ARAP2: variants seen among roughly 807,000 people sequenced by gnomAD.
ARAP2 encodes the protein arf-GAP with Rho-GAP domain, ANK repeat and PH domain-containing protein 2.
A neutral mutation model predicts 194.5 loss-of-function variants in ARAP2; 148 were observed. The observed-to-expected ratio is 0.76, with a 90% confidence interval of 0.67 to 0.87. The LOEUF (loss-of-function observed/expected upper bound fraction) is 0.87. Ranked by LOEUF, ARAP2 falls within the 40% of genes least tolerant of loss-of-function variation. The pLI is 0.00. For missense variants in ARAP2, 2,128 were observed against 1,989.7 expected, an observed-to-expected ratio of 1.07 and a Z score of -1.32; for synonymous variants, 695 against 683.5, an observed-to-expected ratio of 1.02 and a Z score of -0.26.
At position 36,083,138 on chromosome 4, in the gene ARAP2, T is replaced by C. The variant is rs112419808; in HGVS notation, c.4508+230A>G. Among the ~76,000 whole-genome samples the C allele has an allele frequency of 1.9e-3, 288 of 152,104 alleles. 1 individual carries two copies. Among genetic ancestry groups the C allele is most frequent in the African/African-American group, 6.7e-3 (278 of 41,500 alleles). On this transcript the variant is annotated intron_variant, in intron 29 of 32. Coordinates refer to ENST00000303965, the MANE Select transcript of ARAP2 (RefSeq NM_015230.4). ...CTTACTTTACACAGAGAGATTGCAA[T>C]CACCAAGGAGCTTGGTCTCAGTCTC...
intron 5 of ARAP2, among the ~76,000 whole-genome samples, chr4:36,038,407 T>A (rs1457388705): frequency 6.6e-6 from 1 of 152,212 alleles, no homozygotes; most frequent in Non-Finnish European, 1.5e-5. Context: ...TTCCTTGGAA[T>A]ATATTTTCCT....
At chr4:36,166,817 T>G (rs558088673) in intron 10 of ARAP2, 115 bp downstream of exon 10, 13 of 474,642 alleles carry the variant, frequency 2.7e-5, no homozygotes, top group African/African-American at 2.2e-4. Context: ...TATGGAAAAG[T>G]AGGGAGATAA....
chr4:36,229,496 T>A lies in ARAP2; in HGVS notation c.-10A>T. ...CACTGACTGAGGACATAATGGTGGC[T>A]TCATTACTAAGCTGAGTTACAAAAA... On this transcript the variant is annotated 5_prime_UTR_variant, in exon 2 of 33. In the 5' UTR this introduces an upstream ATG that the reference lacks. Transcript: ENST00000303965. 1 of 1,587,032 alleles carries A rather than the reference T, an allele frequency of 6.3e-7. No homozygotes were observed. The highest frequency in any genetic ancestry group is 1.7e-4 in the Middle Eastern group (1 of 5,818).
At chr4:36,088,414 GATGTGTTCC>G (rs1394096273) in intron 28 of ARAP2, among the ~76,000 whole-genome samples, 1 of 152,030 alleles carries the variant, frequency 6.6e-6, no homozygotes, top group Non-Finnish European at 1.5e-5. Context: ...CTTAAAATCT[GATGTGTTCC>G]ATCACATAAC....
At chr4:36,009,804 A>T (rs1714062377) in intron 9 of ARAP2, among the ~76,000 whole-genome samples, 1 of 139,216 alleles carries the variant, frequency 7.2e-6, no homozygotes, top group African/African-American at 2.7e-5. Context: ...AACTCTTCCC[A>T]GATGGAGAAG....
At position 36,148,473 on chromosome 4, in the gene ARAP2, C is replaced by T. The variant is rs758617625; in HGVS notation, c.2932G>A (p.Glu978Lys). ...IFIFEIYLPS[E>K]RVFLFGAETS... The stretch of plus-strand genomic sequence containing the variant: ...TCAGCTCCAAATAAAAACACACGTT[C>T]GGAGGGTAAGTAGATCTCAAAGATA... The change falls in exon 17 of 33, where the codon GAA becomes AAA. Residue 978 changes from glutamate to lysine, a missense_variant. Coordinates refer to ENST00000303965, the MANE Select transcript of ARAP2 (RefSeq NM_015230.4). 1.9e-5 allele frequency: 31 copies of T among 1,612,860 alleles called. No homozygotes were observed. Among genetic ancestry groups the T allele is most frequent in the East Asian group, 4.5e-5 (2 of 44,772 alleles).
intron 19 of ARAP2, among the ~76,000 whole-genome samples, chr4:36,141,373 G>A (rs1728268152): frequency 6.6e-6 from 1 of 151,612 alleles, no homozygotes; most frequent in Non-Finnish European, 1.5e-5. Context: ...AATTTTTAAA[G>A]TATACAAGGA....
At chr4:36,063,398 G>A (rs1724789696), downstream of ARAP2, among the ~76,000 whole-genome samples, 1 of 150,744 alleles carries the variant, frequency 6.6e-6, no homozygotes, top group African/African-American at 2.4e-5. Flanking sequence ...CATGACACAC[G>A]TATACCTATG....
chr4:36,057,053 GTT>G (rs11295608), intron 2 of ARAP2, among the ~76,000 whole-genome samples: 20 of 145,116 alleles, frequency 1.4e-4, no homozygotes, highest in Non-Finnish European at 2.3e-4. Flanking sequence ...GTTTTTTGTT[GTT>G]TTTTTTTTTC....
At chr4:36,241,393 G>A (rs1753474779) in intron 1 of ARAP2, among the ~76,000 whole-genome samples, 1 of 152,038 alleles carries the variant, frequency 6.6e-6, no homozygotes. Context: ...TACCTTACTG[G>A]ACCATTTTTT....
chr4:36,096,013 G>T (rs951773062), intron 27 of ARAP2, among the ~76,000 whole-genome samples: 1 of 151,962 alleles, frequency 6.6e-6, no homozygotes, highest in Non-Finnish European at 1.5e-5. Flanking sequence ...TAAGGTGATA[G>T]AACTTTAAAT....
chr4:36,145,236 T>A (rs566918969), intron 19 of ARAP2, among the ~76,000 whole-genome samples: 4 of 151,992 alleles, frequency 2.6e-5, no homozygotes, highest in Non-Finnish European at 4.4e-5. Context: ...CTCATATGTT[T>A]ATCACAGCAC....
At chr4:36,125,704 C>T (rs1371494909) in intron 21 of ARAP2, among the ~76,000 whole-genome samples, 1 of 151,920 alleles carries the variant, frequency 6.6e-6, no homozygotes, top group African/African-American at 2.4e-5. Flanking sequence ...AAACCAGAGA[C>T]AGAAACCCCC....
At chr4:36,120,984 G>A (rs1361983059) in intron 23 of ARAP2, among the ~76,000 whole-genome samples, 195 bp downstream of exon 23, 1 of 151,530 alleles carries the variant, frequency 6.6e-6, no homozygotes, top group Non-Finnish European at 1.5e-5. Flanking sequence ...AGTTTTAAAT[G>A]CAACCAAATT....
At chr4:36,173,377 C>T (rs1246605309) in intron 9 of ARAP2, among the ~76,000 whole-genome samples, 1 of 152,110 alleles carries the variant, frequency 6.6e-6, no homozygotes, top group Non-Finnish European at 1.5e-5. Context: ...CTGACTTACA[C>T]ACTATACACC....
chr4:36,147,390 T>C, intron 18 of ARAP2, 31 bp from the exon 19 acceptor site: 3 of 1,609,354 alleles, frequency 1.9e-6, no homozygotes, highest in Non-Finnish European at 2.6e-6. Context: ...AAAAATTTAT[T>C]TTTTAAAACA....
chr4:36,168,430 G>A (rs1031151450), intron 9 of ARAP2, among the ~76,000 whole-genome samples: 4 of 152,188 alleles, frequency 2.6e-5, no homozygotes, highest in South Asian at 2.1e-4. Flanking sequence ...AGTCTTAACC[G>A]CCTACACCAC....
At chr4:36,198,644 C>G (rs964168659) in intron 6 of ARAP2, among the ~76,000 whole-genome samples, 4 of 152,250 alleles carry the variant, frequency 2.6e-5, no homozygotes, top group African/African-American at 4.8e-5. Flanking sequence ...GTCAGCACTT[C>G]CCCAAGAGTG....
At chr4:36,025,746 T>C (rs548732085) in intron 5 of ARAP2, among the ~76,000 whole-genome samples, 1 of 151,634 alleles carries the variant, frequency 6.6e-6, no homozygotes, top group South Asian at 2.1e-4. Flanking sequence ...GACAGTGAGA[T>C]AATGGTATCA....
Sources: gnomAD v4.1 joint callset for allele counts (sites outside exome capture counted in the v4.1 genomes callset) on GRCh38, gnomAD v4.1.1 for gene constraint, MANE v1.5 for transcripts, NCBI Gene and HGNC (gene_info 2026-07-23, HGNC 2026-07-21) for gene names.